The following ROBO1 variants were observed in gnomAD, a reference collection of about 807,000 sequenced individuals.
The protein encoded by ROBO1 is roundabout homolog 1.
A neutral mutation model predicts 195.9 loss-of-function variants in ROBO1; 149 were observed. The observed-to-expected ratio is 0.76, with a 90% confidence interval of 0.67 to 0.87. The LOEUF is 0.87. Among genes scored for constraint, ROBO1 ranks in the 40% least tolerant of loss-of-function variants. ROBO1 has a pLI of 0.00. For missense variants in ROBO1, 1,933 were observed against 2,068.3 expected (o/e 0.93, Z 1.27); for synonymous variants, 816 against 733.2 (o/e 1.11, Z -1.82).
rs922608410 is a variant in ROBO1, at chr3:79,042,432, G to A, written c.172+83024C>T. 9.9e-5 allele frequency among the ~76,000 whole-genome samples: 15 copies of A among 152,138 alleles called. 1 individual carries two copies. Among genetic ancestry groups the A allele is most frequent in the African/African-American group, 3.4e-4 (14 of 41,426 alleles). ...CGATGGCGGTCGCACAGCTGACAAA[G>A]ATTAGACCCTGCTTTTAAACTTCTC... On this transcript the variant is annotated intron_variant, in intron 3 of 30. Transcript: ENST00000464233.
At chr3:79,460,512 T>G (rs1479817104) in intron 2 of ROBO1, among the ~76,000 whole-genome samples, 1 of 152,222 alleles carries the variant, frequency 6.6e-6, no homozygotes, top group Non-Finnish European at 1.5e-5. Context: ...TGCCTTTCTA[T>G]TAAAATTTAA....
intron 4 of ROBO1, among the ~76,000 whole-genome samples, chr3:78,822,203 C>A (rs1271466905): frequency 6.6e-6 from 1 of 151,962 alleles, no homozygotes. Context: ...TGGGGACACA[C>A]ACAAAAAAGT....
At chr3:78,984,964 A>C (rs1268158151) in intron 3 of ROBO1, among the ~76,000 whole-genome samples, 2 of 152,156 alleles carry the variant, frequency 1.3e-5, no homozygotes, top group African/African-American at 4.8e-5. Flanking sequence ...CTCATTGTGA[A>C]GATGAGGATG....
At chr3:79,112,196 G>A (rs1297584516) in intron 3 of ROBO1, among the ~76,000 whole-genome samples, 1 of 152,142 alleles carries the variant, frequency 6.6e-6, no homozygotes, top group Non-Finnish European at 1.5e-5. Context: ...GGGCAGCTCT[G>A]ATGTAGAAGA....
At chr3:78,685,169 T>A (rs1033365831) in intron 10 of ROBO1, among the ~76,000 whole-genome samples, 1 of 152,058 alleles carries the variant, frequency 6.6e-6, no homozygotes. Context: ...GAATAAAACA[T>A]ATTTATATGT....
At chr3:78,791,642 T>C (rs1005179177) in intron 4 of ROBO1, among the ~76,000 whole-genome samples, 1 of 152,190 alleles carries the variant, frequency 6.6e-6, no homozygotes, top group African/African-American at 2.4e-5. Context: ...CGTATCTGCG[T>C]CTGCTGATAC....
At chr3:79,687,220 G>C (rs989973222) in intron 1 of ROBO1, among the ~76,000 whole-genome samples, 1 of 152,142 alleles carries the variant, frequency 6.6e-6, no homozygotes, top group Non-Finnish European at 1.5e-5. Flanking sequence ...ATAAATTCAA[G>C]ATGGATTAAA....
Position 78,631,367 on chromosome 3 carries a change from C to T in ROBO1, c.3482-62G>A, listed in dbSNP as rs1705175560. On this transcript the variant is annotated intron_variant, in intron 24 of 30. Coordinates refer to ENST00000464233, the MANE Select transcript of ROBO1 (RefSeq NM_002941.4). ...GCCTTTAAACTTTTTCCATTAGTCA[C>T]AAGTTAATTATTTTTTGTAAATATG... The T allele has an allele frequency of 2.0e-6, 3 of 1,504,194 alleles. No homozygotes were observed. The Admixed American group carries it at 6.3e-5, about 32-fold the overall frequency. The allele number at this position is 1,504,194 out of a possible 1,614,324, so 93.2% of individuals were successfully genotyped here. A position where few individuals can be genotyped will look rare whatever the true frequency, so the allele number is the denominator to read the frequency against.
chr3:79,265,773 AATC>A (rs1347988010), intron 2 of ROBO1, among the ~76,000 whole-genome samples: 5 of 151,556 alleles, frequency 3.3e-5, no homozygotes, highest in Non-Finnish European at 7.4e-5. Context: ...CTTTTAGAAT[AATC>A]ATGTCATATT....
At chr3:78,740,373 T>C (rs960759455) in intron 5 of ROBO1, among the ~76,000 whole-genome samples, 36 of 151,610 alleles carry the variant, frequency 2.4e-4, no homozygotes, top group Non-Finnish European at 4.6e-4. Context: ...TTTAATAAAA[T>C]AAAATTTAAA....
At chr3:79,702,427 C>T (rs1356919836) in intron 1 of ROBO1, among the ~76,000 whole-genome samples, 1 of 151,866 alleles carries the variant, frequency 6.6e-6, no homozygotes, top group East Asian at 1.9e-4. Context: ...CTCATTGTCT[C>T]TTCTTTTTCA....
chr3:78,631,153 C>T lies in ROBO1; in HGVS notation c.3626+8G>A, dbSNP rs536730958. ...CACTGTTTACATCTGTTTGGATGCT[C>T]CTCTTACCTTTCATCTACAGAAATG... On this transcript the variant is annotated splice_region_variant and intron_variant, in intron 25 of 30. Transcript: ENST00000464233. 34 of 1,607,870 alleles carry T rather than the reference C, an allele frequency of 2.1e-5. No homozygotes were observed. In the Admixed American group the frequency reaches 5.2e-4, roughly 25 times the overall value.
At chr3:79,756,189 A>G (rs1704382654) in intron 1 of ROBO1, among the ~76,000 whole-genome samples, 1 of 152,184 alleles carries the variant, frequency 6.6e-6, no homozygotes, top group Non-Finnish European at 1.5e-5. Flanking sequence ...ATAGGTGAAG[A>G]GTCTATTATT....
intron 1 of ROBO1, among the ~76,000 whole-genome samples, chr3:79,749,465 A>G (rs1179580996): frequency 6.6e-6 from 1 of 152,204 alleles, no homozygotes; most frequent in Non-Finnish European, 1.5e-5. Context: ...TCCAAATGTT[A>G]ATTCCGAAGG....
At chr3:78,759,554 T>C (rs1265533230) in intron 4 of ROBO1, among the ~76,000 whole-genome samples, 1 of 152,228 alleles carries the variant, frequency 6.6e-6, no homozygotes, top group Admixed American at 6.5e-5. Flanking sequence ...CCCCCTCTTG[T>C]CCATTTAAAT....
At chr3:79,370,153 G>A (rs1559851414) in intron 2 of ROBO1, among the ~76,000 whole-genome samples, 1 of 151,734 alleles carries the variant, frequency 6.6e-6, no homozygotes, top group Non-Finnish European at 1.5e-5. Context: ...CCAGGAGTTC[G>A]AGACCAGCCT....
chr3:79,009,475 C>T (rs1699533844), intron 3 of ROBO1, among the ~76,000 whole-genome samples: 1 of 152,142 alleles, frequency 6.6e-6, no homozygotes, highest in Non-Finnish European at 1.5e-5. Flanking sequence ...TGGAAGACCA[C>T]TGAATTCAGC....
intron 1 of ROBO1, among the ~76,000 whole-genome samples, chr3:79,680,905 T>C (rs1560095209): frequency 6.6e-6 from 1 of 151,788 alleles, no homozygotes; most frequent in Non-Finnish European, 1.5e-5. Context: ...ATGGTAGAAA[T>C]GGTGGTCAGA....
In ROBO1 at chr3:78,651,893, A is replaced by C; in HGVS notation, c.2651T>G (p.Val884Gly). The C allele has an allele frequency of 6.2e-7, 1 of 1,613,616 alleles. No homozygotes were observed. Among genetic ancestry groups the C allele is most frequent in the Non-Finnish European group, 8.5e-7 (1 of 1,179,664 alleles). The stretch of plus-strand genomic sequence containing the variant: ...ATCTGAAATCTGCTGAGCGAGGCTG[A>C]CTTGGTCCTCAGGTGACACAGGGTT... ...HGNPVSPEDQVSLAQQISDVV... is the reference protein window; with the variant it reads ...HGNPVSPEDQGSLAQQISDVV... Residue 884 changes from valine to glycine, a missense_variant, in exon 19 of 31, where the codon GTC (valine) becomes GGC (glycine). Val to Gly is a moderately radical substitution (Grantham distance 109). Transcript: ENST00000464233.
Sources: gnomAD v4.1 joint callset for allele counts (sites outside exome capture counted in the v4.1 genomes callset) on GRCh38, gnomAD v4.1.1 for gene constraint, MANE v1.5 for transcripts, NCBI Gene and HGNC (gene_info 2026-07-23, HGNC 2026-07-21) for gene names.